The following IMMP1L variants were observed in gnomAD, a reference collection of about 807,000 sequenced individuals.
IMMP1L encodes the protein inner mitochondrial membrane peptidase subunit 1.
In IMMP1L, 24 loss-of-function variants were observed where a neutral mutation model predicts 21.8. The observed-to-expected ratio is 1.10, with a 90% CI of 0.80 to 1.55. The LOEUF is 1.55. IMMP1L is among the 40% of genes most tolerant of loss of function. The probability of loss-of-function intolerance (pLI) is 0.00; values close to 1 mark genes in which losing one functional copy is unlikely to be tolerated. For missense variants in IMMP1L, 195 were observed against 200.7 expected, an observed-to-expected ratio of 0.97 and a Z score of 0.17; for synonymous variants, 46 against 62.8, an observed-to-expected ratio of 0.73 and a Z score of 1.26.
Position 31,460,678 on chromosome 11 carries a change from A to G in IMMP1L, c.142T>C (p.Ser48Pro), listed in dbSNP as rs1174093999. The change falls in exon 3 of 6, where the codon TCA becomes CCA. Residue 48 changes from serine to proline, a missense_variant. Ser to Pro is a moderately conservative substitution (Grantham distance 74). Coordinates refer to ENST00000532287, the MANE Select transcript of IMMP1L (RefSeq NM_001304274.2). ...GPSMEPTIQNSDIVFAENLSR... is the reference protein window; with the variant it reads ...GPSMEPTIQNPDIVFAENLSR... ...AGATTTTCTGCAAAGACAATATCTG[A>G]ATTTTGAATTGTAGGCTCCATTGAT... 1 of 1,611,572 alleles carries G rather than the reference A, an allele frequency of 6.2e-7. No individual in the cohort carries two copies. Among genetic ancestry groups the G allele is most frequent in the Non-Finnish European group, 8.5e-7 (1 of 1,177,976 alleles).
intron 1 of IMMP1L, among the ~76,000 whole-genome samples, chr11:31,474,333 A>G (rs1954662450): frequency 6.6e-6 from 1 of 152,108 alleles, no homozygotes; most frequent in South Asian, 2.1e-4. Flanking sequence ...TAAATAATTC[A>G]CTCTCAAACA....
intron 1 of IMMP1L, among the ~76,000 whole-genome samples, chr11:31,498,975 C>T (rs944987804): frequency 1.3e-5 from 2 of 152,196 alleles, no homozygotes; most frequent in Non-Finnish European, 2.9e-5. Flanking sequence ...AGATACTTTA[C>T]ATTTCAGTTT....
At chr11:31,448,345 T>C (rs1225459813) in intron 4 of IMMP1L, among the ~76,000 whole-genome samples, 2 of 152,148 alleles carry the variant, frequency 1.3e-5, no homozygotes, top group East Asian at 3.8e-4. Flanking sequence ...AAGATTGTTT[T>C]AGATTAGGAA....
intron 1 of IMMP1L, among the ~76,000 whole-genome samples, chr11:31,470,868 G>A (rs1174421972): frequency 6.6e-6 from 1 of 152,176 alleles, no homozygotes; most frequent in African/African-American, 2.4e-5. Flanking sequence ...AAATAAGCCA[G>A]GCATAGAAAG....
At chr11:31,493,216 GTT>G (rs1955315397) in intron 1 of IMMP1L, among the ~76,000 whole-genome samples, 1 of 152,162 alleles carries the variant, frequency 6.6e-6, no homozygotes, top group Admixed American at 6.5e-5. Context: ...AAGAACAGAG[GTT>G]TATTTGACTC....
intron 1 of IMMP1L, among the ~76,000 whole-genome samples, chr11:31,464,889 G>A (rs552202399): frequency 3.9e-5 from 6 of 152,194 alleles, no homozygotes; most frequent in African/African-American, 1.2e-4. Flanking sequence ...AACAAGACAC[G>A]GATGCCCACC....
intron 1 of IMMP1L, among the ~76,000 whole-genome samples, chr11:31,482,964 T>C (rs984177442): frequency 7.2e-5 from 11 of 152,018 alleles, no homozygotes; most frequent in African/African-American, 2.2e-4. Context: ...AAATAATAGT[T>C]ATATATTCAC....
chr11:31,442,013 A>G (rs1247962542), intron 4 of IMMP1L, among the ~76,000 whole-genome samples: 1 of 152,220 alleles, frequency 6.6e-6, no homozygotes, highest in Non-Finnish European at 1.5e-5. Context: ...ATATATGAAT[A>G]TATGTTTTCA....
chr11:31,496,951 G>T (rs963844179), intron 1 of IMMP1L, among the ~76,000 whole-genome samples: 2 of 144,750 alleles, frequency 1.4e-5, no homozygotes, highest in Admixed American at 7.0e-5. Flanking sequence ...CATCTATTAC[G>T]TATATCATAT....
At chr11:31,454,831 CTATT>C (rs1224691144) in intron 4 of IMMP1L, among the ~76,000 whole-genome samples, 1 of 152,102 alleles carries the variant, frequency 6.6e-6, no homozygotes, top group African/African-American at 2.4e-5. Flanking sequence ...ATAGAGGATG[CTATT>C]TATTTGTTCT....
At position 31,463,246 on chromosome 11, in the gene IMMP1L, G is replaced by C. The variant is rs758487097; in HGVS notation, c.31C>G (p.Arg11Gly). ...TATTGAATAGTATAGCCAACAAGTC[G>C]AAAGGTTTTCCCCAGAACACCACGA... MLRGVLGKTF[R>G]LVGYTIQYGC... The change falls in exon 2 of 6, where the codon CGA becomes GGA. Residue 11 changes from arginine (R) to glycine (G), a missense_variant. Arg to Gly is a moderately radical substitution (Grantham distance 125). Coordinates refer to ENST00000532287, the MANE Select transcript of IMMP1L (RefSeq NM_001304274.2). The C allele has an allele frequency of 6.2e-7, 1 of 1,612,558 alleles. No individual in the cohort carries two copies. Among genetic ancestry groups the C allele is most frequent in the Non-Finnish European group, 8.5e-7 (1 of 1,179,270 alleles).
chr11:31,494,319 T>C (rs940254210), intron 1 of IMMP1L, among the ~76,000 whole-genome samples: 1 of 152,234 alleles, frequency 6.6e-6, no homozygotes, highest in African/African-American at 2.4e-5. Flanking sequence ...GGCTTGGGGC[T>C]TGCACCCTCT....
chr11:31,506,954 G>A (rs1403411980), intron 1 of IMMP1L, among the ~76,000 whole-genome samples: 2 of 148,696 alleles, frequency 1.3e-5, no homozygotes, highest in East Asian at 2.1e-4. Context: ...GCGAGACTCC[G>A]TCTAAAAAGA....
chr11:31,433,059 A>G (rs191154551), intron 5 of IMMP1L, among the ~76,000 whole-genome samples: 116 of 152,342 alleles, frequency 7.6e-4, no homozygotes, highest in Middle Eastern at 3.4e-3. Flanking sequence ...TACATTCACA[A>G]TAAGTCTGTG....
chr11:31,461,925 C>G (rs1954153632), intron 2 of IMMP1L, among the ~76,000 whole-genome samples: 1 of 152,102 alleles, frequency 6.6e-6, no homozygotes, highest in Non-Finnish European at 1.5e-5. Flanking sequence ...AAACTTTTTA[C>G]TCAAAAGTTC....
chr11:31,489,759 T>TC (rs1383751353), intron 1 of IMMP1L, among the ~76,000 whole-genome samples: 1 of 152,138 alleles, frequency 6.6e-6, no homozygotes, highest in East Asian at 1.9e-4. Context: ...ACTTTTTTTT[T>TC]CTTTTAACCT....
intron 1 of IMMP1L, among the ~76,000 whole-genome samples, chr11:31,505,648 A>C (rs1466021385): frequency 6.6e-6 from 1 of 152,156 alleles, no homozygotes; most frequent in African/African-American, 2.4e-5. Context: ...TATTTCCATA[A>C]AGCTATATTG....
At chr11:31,476,697 T>C (rs1486961534) in intron 1 of IMMP1L, among the ~76,000 whole-genome samples, 4 of 152,112 alleles carry the variant, frequency 2.6e-5, no homozygotes, top group Admixed American at 2.6e-4. Context: ...TTAAGTACTC[T>C]AAGATCATAA....
intron 4 of IMMP1L, among the ~76,000 whole-genome samples, chr11:31,442,247 G>A (rs1036930405): frequency 9.9e-5 from 15 of 152,090 alleles, no homozygotes; most frequent in African/African-American, 3.6e-4. Context: ...CTAGTTCTCA[G>A]CTATATTTAC....
Sources: allele counts gnomAD v4.1 joint callset (sites outside exome capture counted in the v4.1 genomes callset), GRCh38; gene constraint gnomAD v4.1.1; transcripts MANE v1.5; gene names NCBI Gene and HGNC (gene_info 2026-07-23, HGNC 2026-07-21).